Variants in KIDINS220 observed in about 807,000 individuals in gnomAD.
The protein encoded by KIDINS220 is kinase D interacting substrate 220.
In KIDINS220, 63 loss-of-function variants were observed where a neutral mutation model predicts 157.6. The observed-to-expected ratio is 0.40, with a 90% CI of 0.33 to 0.49. KIDINS220 has a LOEUF of 0.49. Ranked by LOEUF, KIDINS220 falls within the 20% of genes least tolerant of loss-of-function variation. KIDINS220 has a pLI of 0.66. For synonymous variants in KIDINS220, 732 were observed against 783.6 expected, an observed-to-expected ratio of 0.93 and a Z score of 1.10; for missense variants, 1,772 against 2,171.2, an observed-to-expected ratio of 0.82 and a Z score of 3.65.
downstream of KIDINS220, chr2:8,723,356 C>G (rs924764657): frequency 9.9e-5 from 15 of 152,238 alleles, no homozygotes; most frequent in African/African-American, 3.4e-4. Context: ...GTCGGTGGAG[C>G]CCAAAATGAA....
chr2:8,779,849 G>A lies in KIDINS220; in HGVS notation c.2230-35C>T, dbSNP rs1381018132. On this transcript the variant is annotated intron_variant, in intron 17 of 29. Coordinates refer to ENST00000256707, the MANE Select transcript of KIDINS220 (RefSeq NM_020738.4). ...AAAGGAAGGTATAGAAAGCACTGAAGGAAGATCCAAGAAGCTTAAACATAT... is the reference window on the plus strand; with the variant it reads ...AAAGGAAGGTATAGAAAGCACTGAAAGAAGATCCAAGAAGCTTAAACATAT... The A allele has an allele frequency of 3.7e-6, 6 of 1,607,180 alleles. No homozygotes were observed. The South Asian group carries it at 5.5e-5, about 15-fold the overall frequency.
At chr2:8,732,392 C>A (rs186635735) in intron 29 of KIDINS220, among the ~76,000 whole-genome samples, 1 of 152,168 alleles carries the variant, frequency 6.6e-6, no homozygotes, top group Admixed American at 6.5e-5. Context: ...CCCACATGCT[C>A]GGCCACAGCA....
chr2:8,722,104 T>C (rs1455027230), downstream of KIDINS220: 2 of 152,140 alleles, frequency 1.3e-5, no homozygotes, highest in Non-Finnish European at 2.9e-5. Context: ...AACCACGCCA[T>C]ATATTAAAAT....
chr2:8,771,465 C>G (rs1468808118), intron 21 of KIDINS220, among the ~76,000 whole-genome samples: 1 of 152,212 alleles, frequency 6.6e-6, no homozygotes, highest in East Asian at 1.9e-4. Flanking sequence ...TACATGTAGA[C>G]AGTCGCAATC....
Position 8,747,901 on chromosome 2 carries a change from GA to G in KIDINS220, c.3513del (p.Gln1172ArgfsTer5). The G allele has an allele frequency of 6.2e-7, 1 of 1,600,392 alleles. No homozygotes were observed. Among genetic ancestry groups the G allele is most frequent in the Non-Finnish European group, 8.5e-7 (1 of 1,173,100 alleles). On this transcript the variant is annotated frameshift_variant, in exon 25 of 30. Coordinates refer to ENST00000256707, the MANE Select transcript of KIDINS220 (RefSeq NM_020738.4). LOFTEE classifies it high-confidence loss of function. ...RPSVKTSLPRDQNNGLEVIKE... is the reference protein window; with the variant it reads ...RPSVKTSLPRXQNNGLEVIKE... ...TATATACTTACTAGGCCATTGTTCT[GA>G]TCTCTGGGCAAACTCGTTTTTACTG...
At chr2:8,825,406 G>A (rs1159977977) in intron 2 of KIDINS220, among the ~76,000 whole-genome samples, 2 of 109,648 alleles carry the variant, frequency 1.8e-5, no homozygotes, top group Admixed American at 9.9e-5. Flanking sequence ...GGAATCTATT[G>A]CCCAACAATG....
chr2:8,817,935 T>A (rs747021645), intron 3 of KIDINS220, among the ~76,000 whole-genome samples: 3 of 152,222 alleles, frequency 2.0e-5, no homozygotes, highest in Non-Finnish European at 2.9e-5. Context: ...TTACAACTGC[T>A]TGTTCAGTCT....
intron 26 of KIDINS220, chr2:8,737,275 A>G: frequency 3.9e-6 from 1 of 254,814 alleles, no homozygotes; most frequent in Non-Finnish European, 7.6e-6. Flanking sequence ...CAACTTCTCA[A>G]ATGTTTACTG....
intron 22 of KIDINS220, among the ~76,000 whole-genome samples, chr2:8,759,941 A>G (rs1341836567): frequency 2.6e-5 from 4 of 152,154 alleles, no homozygotes; most frequent in African/African-American, 9.7e-5. Flanking sequence ...ACTGAGGCTC[A>G]GAGAGGTAAG....
chr2:8,763,117 G>A (rs1239249573), intron 22 of KIDINS220, among the ~76,000 whole-genome samples: 1 of 152,060 alleles, frequency 6.6e-6, no homozygotes, highest in East Asian at 1.9e-4. Flanking sequence ...AATCTATCTG[G>A]AAATTAAAAT....
At position 8,729,912 on chromosome 2, in the gene KIDINS220, G is replaced by A. The variant is rs899113027; in HGVS notation, c.*808C>T. ...TGTTTTTTTTTCTTCTCATTGCTAA[G>A]CTCACTTAGAAAAGTTGGGCACCAT... On this transcript the variant is annotated 3_prime_UTR_variant, in exon 30 of 30. Transcript: ENST00000256707. 17 of 984,916 alleles carry A rather than the reference G, an allele frequency of 1.7e-5. No homozygotes were observed. The African/African-American group carries it at 3.0e-4, about 17-fold the overall frequency. 61.0% of individuals were successfully genotyped at this position (984,916 alleles called of 1,614,324 possible). A position where few individuals can be genotyped will look rare whatever the true frequency, so the allele number is the denominator to read the frequency against.
chr2:8,796,173 T>C (rs945446070), intron 11 of KIDINS220, among the ~76,000 whole-genome samples: 2 of 152,200 alleles, frequency 1.3e-5, no homozygotes, highest in African/African-American at 4.8e-5. Flanking sequence ...AAATTTACAA[T>C]ATTATTTTTT....
chr2:8,817,691 G>C lies in KIDINS220; in HGVS notation c.233C>G (p.Ala78Gly), dbSNP rs758685954. ...DLDNWTALIS[A>G]SKEGHVHIVE... ...GATGTGCACATGCCCTTCTTTCGAT[G>C]CAGATATAAGTGCTGTCCAATTATC... The change falls in exon 4 of 30, where the codon GCA (alanine) becomes GGA (glycine). Residue 78 changes from alanine (A) to glycine (G), a missense_variant. Coordinates refer to ENST00000256707, the MANE Select transcript of KIDINS220 (RefSeq NM_020738.4). 4.4e-6 allele frequency: 7 copies of C among 1,606,542 alleles called. No homozygotes were observed. Among genetic ancestry groups the C allele is most frequent in the Non-Finnish European group, 6.0e-6 (7 of 1,175,968 alleles).
chr2:8,779,553 C>T, intron 18 of KIDINS220, 121 bp downstream of exon 18: 1 of 1,022,394 alleles, frequency 9.8e-7, no homozygotes. Flanking sequence ...AGAAAAATCA[C>T]AAAATAGGAA....
At chr2:8,797,038 A>G (rs1674052395) in intron 10 of KIDINS220, among the ~76,000 whole-genome samples, 169 bp from the exon 11 acceptor site, 1 of 151,992 alleles carries the variant, frequency 6.6e-6, no homozygotes, top group African/African-American at 2.4e-5. Flanking sequence ...CTTTACACCC[A>G]CTCATTTGTA....
chr2:8,784,573 A>G (rs182838589), intron 17 of KIDINS220, among the ~76,000 whole-genome samples: 14 of 152,362 alleles, frequency 9.2e-5, no homozygotes, highest in Non-Finnish European at 1.9e-4. Flanking sequence ...CAATAAGAAA[A>G]TGAACAACCT....
chr2:8,788,782 CCTT>C lies in KIDINS220; in HGVS notation c.1649_1651del (p.Glu550del). 2.5e-6 allele frequency: 4 copies of C among 1,613,798 alleles called. No homozygotes were observed. Among genetic ancestry groups the C allele is most frequent in the Non-Finnish European group, 2.5e-6 (3 of 1,179,918 alleles). On this transcript the variant is annotated inframe_deletion, in exon 15 of 30. Transcript: ENST00000256707. ...GACCCAGGCCCAATTCCAACTCTCT[CCTT>C]CTCTTCGTCCACCAAAGTAAATGAC...
chr2:8,737,728 G>A (rs960513589), intron 26 of KIDINS220, among the ~76,000 whole-genome samples: 34 of 152,150 alleles, frequency 2.2e-4, no homozygotes, highest in Admixed American at 1.3e-4. Context: ...CCAGTTGTCC[G>A]TGGTCAATGA....
At chr2:8,833,240 G>C (rs1679910489) in intron 1 of KIDINS220, among the ~76,000 whole-genome samples, 1 of 152,128 alleles carries the variant, frequency 6.6e-6, no homozygotes, top group Non-Finnish European at 1.5e-5. Flanking sequence ...CAGTGTCTGA[G>C]TTTCCCCATC....
Sources: allele counts gnomAD v4.1 joint callset (sites outside exome capture counted in the v4.1 genomes callset), GRCh38; gene constraint gnomAD v4.1.1; transcripts MANE v1.5; gene names NCBI Gene and HGNC (gene_info 2026-07-23, HGNC 2026-07-21).